PLXNB2: variants seen among roughly 807,000 people sequenced by gnomAD.
PLXNB2 encodes plexin B2.
Under a neutral mutation model 202.6 loss-of-function variants are expected in PLXNB2, and 85 were observed. The observed-to-expected ratio is 0.42, with a 90% CI of 0.35 to 0.50. PLXNB2 has a LOEUF of 0.50. PLXNB2 is among the 20% of genes least tolerant of loss of function. The pLI, the probability that PLXNB2 is intolerant of heterozygous loss-of-function variation, is 0.02. For missense variants in PLXNB2, 2,063 were observed against 2,586.2 expected (o/e 0.80, Z 4.39); for synonymous variants, 1,239 against 1,137.6 (o/e 1.09, Z -1.79).
intron 1 of PLXNB2, among the ~76,000 whole-genome samples, chr22:50,304,595 C>G (rs2067821609): frequency 6.6e-6 from 1 of 152,054 alleles, no homozygotes; most frequent in Admixed American, 6.5e-5. Flanking sequence ...GGAGGAACCT[C>G]GACCAGAAAG....
In PLXNB2 at chr22:50,284,016, T is replaced by C. The variant is rs2066223803; in HGVS notation, c.2264-26A>G. 6.5e-6 allele frequency: 10 copies of C among 1,529,656 alleles called. No homozygotes were observed. Among genetic ancestry groups the C allele is most frequent in the Non-Finnish European group, 7.0e-6 (8 of 1,142,042 alleles). The allele number at this position is 1,529,656 out of a possible 1,614,324, so 94.8% of individuals were successfully genotyped here. A position where few individuals can be genotyped will look rare whatever the true frequency, so the allele number is the denominator to read the frequency against. ...CTGCGGGGAGAGCTGCCGTCAGTGG[T>C]CACCCCGTGCCTGCCCGCCCCCGAC... On this transcript the variant is annotated intron_variant, in intron 13 of 36. Transcript: ENST00000359337. This position sits in a 1 kb window ranked among gnomAD's most constrained non-coding sequence, Gnocchi z 8.0.
chr22:50,306,009 G>A (rs1437602938), intron 1 of PLXNB2, among the ~76,000 whole-genome samples: 5 of 152,216 alleles, frequency 3.3e-5, no homozygotes, highest in South Asian at 2.1e-4. Context: ...GGACTTGCCC[G>A]TCCTCCTCCT....
intron 2 of PLXNB2, among the ~76,000 whole-genome samples, chr22:50,293,356 C>T (rs905177587): frequency 1.3e-5 from 2 of 152,214 alleles, no homozygotes; most frequent in African/African-American, 4.8e-5. Context: ...GGCTCCCCAA[C>T]CCCCGCCGCG....
chr22:50,283,461 C>G lies in PLXNB2; in HGVS notation c.2571-16G>C. The G allele has an allele frequency of 1.9e-6, 3 of 1,609,590 alleles. No homozygotes were observed. The highest frequency in any genetic ancestry group is 2.5e-6 in the Non-Finnish European group (3 of 1,177,406). On this transcript the variant is annotated splice_polypyrimidine_tract_variant and intron_variant, in intron 15 of 36. Transcript: ENST00000359337. ...ACACACGATCCTGGCGGGCGACAGG[C>G]AGTGTGGCCCAGGCACTCCCCGACC...
chr22:50,290,727 G>A, intron 2 of PLXNB2, 130 bp from the exon 3 acceptor site: 1 of 994,742 alleles, frequency 1.0e-6, no homozygotes, highest in South Asian at 1.7e-5. Flanking sequence ...TGAGGAACCT[G>A]GAGCTCCGCC....
chr22:50,299,257 C>T (rs2067496550), intron 1 of PLXNB2, among the ~76,000 whole-genome samples: 1 of 140,988 alleles, frequency 7.1e-6, no homozygotes, highest in Non-Finnish European at 1.5e-5. Flanking sequence ...GTGCGGCCCT[C>T]CAGGGCTCAA....
chr22:50,288,898 G>A lies in PLXNB2; in HGVS notation c.1252-27C>T. ...TGTGTGCGCGAGGGCAGGCCGGTGA[G>A]GGTACGGGCCTTGTGCACAGACGGG... On this transcript the variant is annotated intron_variant, in intron 4 of 36. Transcript: ENST00000359337. The surrounding 1 kb of genome is among the most constrained non-coding windows in gnomAD (Gnocchi z 5.0). 6.2e-7 allele frequency: 1 copy of A among 1,612,608 alleles called. No homozygotes were observed. Among genetic ancestry groups the A allele is most frequent in the South Asian group, 1.1e-5 (1 of 91,052 alleles).
intron 1 of PLXNB2, among the ~76,000 whole-genome samples, chr22:50,301,618 A>G (rs1305011214): frequency 7.0e-6 from 1 of 141,886 alleles, no homozygotes; most frequent in Non-Finnish European, 1.6e-5. Context: ...CCCCCTTTCC[A>G]GCTCAACCCC....
chr22:50,289,016 C>G lies in PLXNB2; in HGVS notation c.1195G>C (p.Ala399Pro), dbSNP rs547358862. The change falls in exon 4 of 37, where the codon GCC becomes CCC. Residue 399 changes from alanine (A) to proline (P), a missense_variant. Ala to Pro is a conservative substitution (Grantham distance 27). This residue lies in a region of PLXNB2 where 1,303 missense variants were observed against 1,476.8 expected (regional missense o/e 0.88). Coordinates refer to ENST00000359337, the MANE Select transcript of PLXNB2 (RefSeq NM_012401.4). This position sits in a 1 kb window ranked among gnomAD's most constrained non-coding sequence, Gnocchi z 8.0. ...GLNLTAVTVAAENNHTVAFLG... is the reference protein window; with the variant it reads ...GLNLTAVTVAPENNHTVAFLG... ...AAAGCAACAGTGTGGTTGTTCTCGG[C>G]GGCGACCGTCACGGCCGTGAGGTTC... is the stretch of plus-strand genomic sequence containing the variant. 4 of 1,610,030 alleles carry G rather than the reference C, an allele frequency of 2.5e-6. No homozygotes were observed. Among genetic ancestry groups the G allele is most frequent in the Non-Finnish European group, 3.4e-6 (4 of 1,178,106 alleles).
At position 50,281,470 on chromosome 22, in the gene PLXNB2, C is replaced by T. The variant is rs368121613; in HGVS notation, c.3552G>A (p.Leu1184=). 3 of 1,612,276 alleles carry T rather than the reference C, an allele frequency of 1.9e-6. No individual in the cohort carries two copies. Among genetic ancestry groups the T allele is most frequent in the African/African-American group, 2.7e-5 (2 of 74,920 alleles). Residue 1184 remains leucine, a synonymous_variant, in exon 22 of 37, where the codon CTG becomes CTA. Transcript: ENST00000359337. The stretch of plus-strand genomic sequence containing the variant: ...CCCGTGTGTCGTACTCCACGCGGCC[C>T]AGCACCCACTCGCGAGAGCCGAACT... ...IVKFGSREWV[L]GRVEYDTRVS...
chr22:50,284,818 C>A lies in PLXNB2; in HGVS notation c.2089-153G>T, dbSNP rs767058778. 5 of 765,858 alleles carry A rather than the reference C, an allele frequency of 6.5e-6. No individual in the cohort carries two copies. The highest frequency in any genetic ancestry group is 1.2e-5 in the Non-Finnish European group (5 of 412,690). 47.4% of individuals were successfully genotyped at this position (765,858 alleles called of 1,614,324 possible). On this transcript the variant is annotated intron_variant, in intron 11 of 36. Transcript: ENST00000359337. This position sits in a 1 kb window ranked among gnomAD's most constrained non-coding sequence, Gnocchi z 8.0. ...CCCTCAGATTACCATGCCAGCTGACCCCTCGGCCACTCCTGAGCCCAAACA... is the reference window on the plus strand; with the variant it reads ...CCCTCAGATTACCATGCCAGCTGACACCTCGGCCACTCCTGAGCCCAAACA...
At position 50,275,505 on chromosome 22, in the gene PLXNB2, G is replaced by A. The variant is rs1301712936; in HGVS notation, c.*199C>T. The A allele has an allele frequency of 1.5e-6, 1 of 671,488 alleles. No homozygotes were observed. Among genetic ancestry groups the A allele is most frequent in the Non-Finnish European group, 2.7e-6 (1 of 364,442 alleles). 41.6% of individuals were successfully genotyped at this position (671,488 alleles called of 1,614,324 possible). ...GGGAGCTGGGGCTGGGGCTGGTGCT[G>A]GTGCGGTGCCCGGCGGTATTGCTCA... On this transcript the variant is annotated 3_prime_UTR_variant, in exon 37 of 37. Transcript: ENST00000359337.
In PLXNB2 at chr22:50,285,803, C is replaced by T; in HGVS notation, c.2085G>A (p.Val695=). The T allele has an allele frequency of 6.3e-7, 1 of 1,596,580 alleles. No individual in the cohort carries two copies. The highest frequency in any genetic ancestry group is 8.6e-7 in the Non-Finnish European group (1 of 1,169,440). Residue 695 remains valine, a synonymous_variant, in exon 11 of 37, where the codon GTG becomes GTA. Coordinates refer to ENST00000359337, the MANE Select transcript of PLXNB2 (RefSeq NM_012401.4). ...GCCGGCACCCCTCCCTCCGCACCTT[C>T]ACGGTGTCCAGGTTCTTGCCCTGGA... is the stretch of plus-strand genomic sequence containing the variant. ...VNFQGKNLDT[V]KGSSLHVGSD...
At chr22:50,282,578 T>C in intron 18 of PLXNB2, 133 bp downstream of exon 18, 1 of 681,104 alleles carries the variant, frequency 1.5e-6, no homozygotes. Context: ...TGGAGTGCAG[T>C]GGGGTTTTCC....
At chr22:50,290,696 G>T in intron 2 of PLXNB2, 99 bp from the exon 3 acceptor site, 1 of 1,278,178 alleles carries the variant, frequency 7.8e-7, no homozygotes, top group Non-Finnish European at 1.0e-6. Flanking sequence ...ATGGGAGAGA[G>T]GGTCACGCCA....
intron 18 of PLXNB2, 78 bp from the exon 19 acceptor site, chr22:50,282,391 C>A: frequency 6.8e-7 from 1 of 1,478,692 alleles, no homozygotes. Context: ...CCCCGCCCAC[C>A]CTGGCCCTGA....
At position 50,278,120 on chromosome 22, in the gene PLXNB2, G is replaced by A. The variant is rs1190340649; in HGVS notation, c.4884C>T (p.Val1628=). The change falls in exon 31 of 37, where the codon GTC becomes GTT. Residue 1628 remains valine (V), a synonymous_variant. Coordinates refer to ENST00000359337, the MANE Select transcript of PLXNB2 (RefSeq NM_012401.4). ...CCACACACCCATGGGGGCCCACCTT[G>A]ACTGAGAGCAGCCGCGTCAGGTAGA... ...TEIYLTRLLS[V]KGTLQQFVDN... 6.2e-7 allele frequency: 1 copy of A among 1,602,766 alleles called. No homozygotes were observed. Among genetic ancestry groups the A allele is most frequent in the Non-Finnish European group, 8.5e-7 (1 of 1,179,522 alleles).
rs543860645 is a variant in PLXNB2, at chr22:50,306,552, G to A, written c.-74+1001C>T. On this transcript the variant is annotated intron_variant, in intron 1 of 36. Transcript: ENST00000359337. ...GCTCCTGAGGAAGCTCAACTTTAAAGCCTCACAGGCTGCGCCGAACCTCCA... is the reference window on the plus strand; with the variant it reads ...GCTCCTGAGGAAGCTCAACTTTAAAACCTCACAGGCTGCGCCGAACCTCCA... Among the ~76,000 whole-genome samples, 17 of 135,886 alleles carry A rather than the reference G, an allele frequency of 1.3e-4. 1 individual carries two copies. The South Asian group carries it at 4.4e-3, about 35-fold the overall frequency. The allele number at this position is 135,886 out of a possible 152,430, so 89.1% of individuals were successfully genotyped here.
rs1344187878 is a variant in PLXNB2, at chr22:50,297,129, T to C, written c.-73-2351A>G. 6.6e-6 allele frequency among the ~76,000 whole-genome samples: 1 copy of C among 152,168 alleles called. No individual in the cohort carries two copies. The highest frequency in any genetic ancestry group is 2.4e-5 in the African/African-American group (1 of 41,436). On this transcript the variant is annotated intron_variant, in intron 1 of 36. Transcript: ENST00000359337. This position sits in a 1 kb window ranked among gnomAD's most constrained non-coding sequence, Gnocchi z 5.3. ...TGAGAAAGCTGGGACCCGCGGGGACTGGAGACTGCAGCTCCCGACGGAGGT... is the reference window on the plus strand; with the variant it reads ...TGAGAAAGCTGGGACCCGCGGGGACCGGAGACTGCAGCTCCCGACGGAGGT...
Sources: gnomAD v4.1 joint callset for allele counts (sites outside exome capture counted in the v4.1 genomes callset) on GRCh38, gnomAD v4.1.1 for gene constraint, gnomAD v4.1.1 regional missense constraint, Gnocchi (gnomAD v3.1) non-coding constraint, MANE v1.5 for transcripts, NCBI Gene and HGNC (gene_info 2026-07-23, HGNC 2026-07-21) for gene names.